Variants in PCDH15 observed in about 807,000 individuals in gnomAD.
PCDH15 encodes protocadherin related 15.
Under a neutral mutation model 178.5 loss-of-function variants are expected in PCDH15, and 129 were observed. The ratio of observed to expected loss-of-function variants is 0.72; its 90% CI spans 0.63 to 0.84. PCDH15 has a LOEUF of 0.84. PCDH15 is among the 40% of genes least tolerant of loss of function. The pLI is 0.00. For synonymous variants in PCDH15, 800 were observed against 732.0 expected (o/e 1.09, Z -1.50); for missense variants, 2,230 against 2,099.9 (o/e 1.06, Z -1.21).
At chr10:55,060,794 T>C (rs992034549) in intron 2 of PCDH15, among the ~76,000 whole-genome samples, 3 of 151,910 alleles carry the variant, frequency 2.0e-5, no homozygotes, top group African/African-American at 7.2e-5. Flanking sequence ...TTGTAGTTGA[T>C]ACAGGAGAAA....
chr10:55,498,011 T>A (rs572811090), intron 2 of PCDH15, among the ~76,000 whole-genome samples: 3 of 151,990 alleles, frequency 2.0e-5, no homozygotes, highest in African/African-American at 7.2e-5. Context: ...ATATCTACTC[T>A]TAAGTGCAGC....
chr10:55,610,467 A>G (rs1201806303), intron 2 of PCDH15, among the ~76,000 whole-genome samples: 2 of 152,006 alleles, frequency 1.3e-5, no homozygotes, highest in Non-Finnish European at 2.9e-5. Flanking sequence ...TTAACTTCCA[A>G]TCTCGGTTAC....
chr10:54,724,903 TATATAGATATAG>T (rs71014408), intron 1 of PCDH15, among the ~76,000 whole-genome samples: 13,832 of 146,482 alleles, frequency 0.094, 845 homozygotes, highest in Non-Finnish European at 0.13. Context: ...AGTACATATA[TATATAGATATAG>T]ATATAGATAT....
chr10:55,066,781 T>C (rs1369799602), intron 2 of PCDH15, among the ~76,000 whole-genome samples: 1 of 151,148 alleles, frequency 6.6e-6, no homozygotes, highest in African/African-American at 2.4e-5. Flanking sequence ...GAGGTTTTTA[T>C]TTTATTTTAA....
At chr10:55,344,135 G>C (rs1844677972) in intron 2 of PCDH15, among the ~76,000 whole-genome samples, 1 of 152,028 alleles carries the variant, frequency 6.6e-6, no homozygotes. Flanking sequence ...AAATATATAT[G>C]TATTCAGATG....
chr10:55,262,011 A>C (rs936205453), intron 1 of PCDH15, among the ~76,000 whole-genome samples: 1 of 141,776 alleles, frequency 7.1e-6, no homozygotes, highest in Non-Finnish European at 1.6e-5. Context: ...AAGAAAGAGA[A>C]GAAGAGAAAA....
intron 2 of PCDH15, among the ~76,000 whole-genome samples, chr10:55,008,742 C>T (rs945296420): frequency 6.6e-6 from 1 of 152,068 alleles, no homozygotes; most frequent in African/African-American, 2.4e-5. Flanking sequence ...TGAAGAACTA[C>T]CTTTCATATA....
chr10:54,827,043 G>A (rs1953143681), intron 3 of PCDH15, among the ~76,000 whole-genome samples: 1 of 152,090 alleles, frequency 6.6e-6, no homozygotes, highest in Admixed American at 6.6e-5. Context: ...GTGCATGCCA[G>A]GAACCTGGTT....
upstream of PCDH15, among the ~76,000 whole-genome samples, chr10:55,321,444 C>A (rs949356673): frequency 6.6e-6 from 1 of 152,130 alleles, no homozygotes; most frequent in Admixed American, 6.5e-5. Context: ...ATATTGAAGA[C>A]TGGAGAATTT....
intron 2 of PCDH15, among the ~76,000 whole-genome samples, chr10:54,908,727 G>A (rs1345910909): frequency 6.6e-6 from 1 of 152,170 alleles, no homozygotes; most frequent in Non-Finnish European, 1.5e-5. Flanking sequence ...ACGGTGTCCT[G>A]GAGAGTGTTC....
chr10:55,198,283 C>T (rs1273352921), intron 1 of PCDH15, among the ~76,000 whole-genome samples: 2 of 152,012 alleles, frequency 1.3e-5, no homozygotes, highest in East Asian at 3.9e-4. Context: ...TGTCTCTACC[C>T]AAATTTCATG....
chr10:54,113,714 G>A (rs1299148073), intron 15 of PCDH15, among the ~76,000 whole-genome samples: 3 of 151,736 alleles, frequency 2.0e-5, no homozygotes, highest in Non-Finnish European at 4.4e-5. Context: ...CAACTGTTGG[G>A]ACAGCAACAA....
chr10:54,701,831 C>T (rs1301200225), intron 1 of PCDH15, among the ~76,000 whole-genome samples: 1 of 152,048 alleles, frequency 6.6e-6, no homozygotes, highest in African/African-American at 2.4e-5. Context: ...TACAAAGAGA[C>T]TTAGATAACC....
intron 2 of PCDH15, among the ~76,000 whole-genome samples, chr10:55,428,085 T>C (rs1176394702): frequency 2.0e-5 from 3 of 152,060 alleles, no homozygotes; most frequent in Non-Finnish European, 4.4e-5. Flanking sequence ...TATTTTAGCT[T>C]ATTTCTACAA....
intron 2 of PCDH15, among the ~76,000 whole-genome samples, chr10:54,649,012 T>C (rs867008909): frequency 9.2e-5 from 14 of 152,170 alleles, no homozygotes; most frequent in Admixed American, 3.9e-4. Flanking sequence ...AAATGCAAAC[T>C]AGCTGAACAG....
chr10:55,258,647 A>G (rs1193176319), intron 1 of PCDH15, among the ~76,000 whole-genome samples: 1 of 152,130 alleles, frequency 6.6e-6, no homozygotes, highest in Non-Finnish European at 1.5e-5. Flanking sequence ...TGCTTAGCAT[A>G]ATAGTATAAA....
At chr10:54,381,177 C>G (rs561895345) in intron 3 of PCDH15, among the ~76,000 whole-genome samples, 2 of 151,978 alleles carry the variant, frequency 1.3e-5, no homozygotes, top group Non-Finnish European at 2.9e-5. Flanking sequence ...GAGCAATATA[C>G]ATATTTTTTA....
Position 55,087,792 on chromosome 10 carries a change from C to A in PCDH15, c.-80+78784G>T, listed in dbSNP as rs1404892515. ...CCCAGAAGTCAGAACACAGAGTCTG[C>A]CAGTCCAGAAACACTTTATAGTTGC... On this transcript the variant is annotated intron_variant, in intron 2 of 5. Transcript: ENST00000458638. Among the ~76,000 whole-genome samples, 5 of 152,090 alleles carry A rather than the reference C, an allele frequency of 3.3e-5. No homozygotes were observed. The East Asian group carries it at 9.7e-4, about 29-fold the overall frequency.
At chr10:55,328,576 G>A (rs115721035) in intron 2 of PCDH15, among the ~76,000 whole-genome samples, 1,780 of 151,326 alleles carry the variant, frequency 0.012, 31 homozygotes, top group African/African-American at 0.04. Context: ...TTCAGCACAT[G>A]GCTGTATATA....
Sources: gnomAD v4.1 joint callset for allele counts (sites outside exome capture counted in the v4.1 genomes callset) on GRCh38, gnomAD v4.1.1 for gene constraint, MANE v1.5 for transcripts, NCBI Gene and HGNC (gene_info 2026-07-23, HGNC 2026-07-21) for gene names.